NLRP2B: variants seen among roughly 807,000 people sequenced by gnomAD.
NLRP2B encodes NLR family pyrin domain-containing protein 2B.
For missense variants in NLRP2B, 25 were observed against 6.8 expected (o/e 3.70, Z -3.00); for synonymous variants, 16 against 3.5 (o/e 4.63, Z -4.03).
Position 57,677,280 on chromosome X carries a change from G to C in NLRP2B, c.*2843C>G, listed in dbSNP as rs775428231. On this transcript the variant is annotated 3_prime_UTR_variant, in exon 1 of 1. Transcript: ENST00000434992. The stretch of plus-strand genomic sequence containing the variant: ...GCATCTTTACTCCACTAGACCCCAA[G>C]GGATTCTGGCTCAGGTCCAGAACGA... 2 of 387,057 alleles carry C rather than the reference G, an allele frequency of 5.2e-6. No homozygotes were observed. Among genetic ancestry groups the C allele is most frequent in the East Asian group, 7.3e-5 (1 of 13,703 alleles). 31.9% of individuals were successfully genotyped at this position (387,057 alleles called of 1,213,427 possible).
Position 57,679,248 on chromosome X carries a change from C to A in NLRP2B, c.*875G>T, listed in dbSNP as rs780294826. The A allele has an allele frequency of 8.8e-6, 4 of 453,807 alleles. No individual in the cohort carries two copies. The highest frequency in any genetic ancestry group is 2.4e-5 in the African/African-American group (1 of 41,631). 37.4% of individuals were successfully genotyped at this position (453,807 alleles called of 1,213,427 possible). On this transcript the variant is annotated 3_prime_UTR_variant, in exon 1 of 1. Coordinates refer to ENST00000434992, the MANE Select transcript of NLRP2B (RefSeq NM_001319967.1). ...CAACAGCCGGAGGTCTCTCAGGGCC[C>A]GCAGGCCACGTGGTGACCAGCACGG...
In NLRP2B at chrX:57,680,060, C is replaced by T; in HGVS notation, c.*63G>A. ...AGACCTGGATGGTCTCTATCTTCAT[C>T]CAGTAGCTGTGGCAATGGCTGGTGA... is the stretch of plus-strand genomic sequence containing the variant. On this transcript the variant is annotated 3_prime_UTR_variant, in exon 1 of 1. Coordinates refer to ENST00000434992, the MANE Select transcript of NLRP2B (RefSeq NM_001319967.1). The T allele has an allele frequency of 2.4e-6, 1 of 423,265 alleles. No homozygotes were observed. The highest frequency in any genetic ancestry group is 4.2e-6 in the Non-Finnish European group (1 of 237,776). 34.9% of individuals were successfully genotyped at this position (423,265 alleles called of 1,213,427 possible).
In NLRP2B at chrX:57,677,427, G is replaced by A; in HGVS notation, c.*2696C>T. Reference sequence around the variant, plus strand: ...GTGGTTTCTTCAAAGCCTCACATAGGAGCTTCACTCCAGTAACTCCTATGT... The same window carrying A: ...GTGGTTTCTTCAAAGCCTCACATAGAAGCTTCACTCCAGTAACTCCTATGT... On this transcript the variant is annotated 3_prime_UTR_variant, in exon 1 of 1. Coordinates refer to ENST00000434992, the MANE Select transcript of NLRP2B (RefSeq NM_001319967.1). 1 of 344,890 alleles carries A rather than the reference G, an allele frequency of 2.9e-6. No homozygotes were observed. The highest frequency in any genetic ancestry group is 5.6e-6 in the Non-Finnish European group (1 of 178,651). 28.4% of individuals were successfully genotyped at this position (344,890 alleles called of 1,213,427 possible).
rs1437712268 is a variant in NLRP2B at position 57,679,587 on chromosome X, T to C, written c.*536A>G. 5 of 509,677 alleles carry C rather than the reference T, an allele frequency of 9.8e-6. No individual in the cohort carries two copies. Among genetic ancestry groups the C allele is most frequent in the Non-Finnish European group, 1.7e-5 (5 of 289,344 alleles). 42.0% of individuals were successfully genotyped at this position (509,677 alleles called of 1,213,427 possible). ...GGTTGTCCTCTGCCCAGTCCAGCAT[T>C]AATTTCTTGGCCAGCGTGGTTTTCC... On this transcript the variant is annotated 3_prime_UTR_variant, in exon 1 of 1. Transcript: ENST00000434992.
At position 57,677,530 on chromosome X, in the gene NLRP2B, G is replaced by T. The variant is rs932220327; in HGVS notation, c.*2593C>A. 1.0e-4 allele frequency: 32 copies of T among 321,166 alleles called. No homozygotes were observed. Among genetic ancestry groups the T allele is most frequent in the South Asian group, 8.5e-4 (26 of 30,656 alleles). The allele number at this position is 321,166 out of a possible 1,213,427, so 26.5% of individuals were successfully genotyped here. Reference sequence around the variant, plus strand: ...TGCGAGATAACAGCAGCCATTGCTAGTTATGTCGCAGTCCCACAGCACCAG... The same window carrying T: ...TGCGAGATAACAGCAGCCATTGCTATTTATGTCGCAGTCCCACAGCACCAG... On this transcript the variant is annotated 3_prime_UTR_variant, in exon 1 of 1. Transcript: ENST00000434992.
chrX:57,679,456 T>C lies in NLRP2B; in HGVS notation c.*667A>G. 2.0e-6 allele frequency: 2 copies of C among 995,461 alleles called. No homozygotes were observed. Among genetic ancestry groups the C allele is most frequent in the Non-Finnish European group, 2.9e-6 (2 of 701,142 alleles). 82.0% of individuals were successfully genotyped at this position (995,461 alleles called of 1,213,427 possible). ...GGCTAGGATGTTTGGAATGTCATCC[T>C]GCAATTCAGGCCAGTTCCTGAAGAC... On this transcript the variant is annotated 3_prime_UTR_variant, in exon 1 of 1. Transcript: ENST00000434992.
chrX:57,678,737 G>C lies in NLRP2B; in HGVS notation c.*1386C>G. 2.5e-6 allele frequency: 1 copy of C among 405,579 alleles called. No individual in the cohort carries two copies. Among genetic ancestry groups the C allele is most frequent in the Non-Finnish European group, 4.6e-6 (1 of 217,405 alleles). The allele number at this position is 405,579 out of a possible 1,213,427, so 33.4% of individuals were successfully genotyped here. ...TCCTCCTTCTCCAGGGCGTGGAACA[G>C]CACAGTGAAAAACTGCTGGAAGCTG... On this transcript the variant is annotated 3_prime_UTR_variant, in exon 1 of 1. Transcript: ENST00000434992.
At position 57,677,182 on chromosome X, in the gene NLRP2B, T is replaced by C. The variant is rs1281543335; in HGVS notation, c.*2941A>G. On this transcript the variant is annotated 3_prime_UTR_variant, in exon 1 of 1. Transcript: ENST00000434992. ...TATTTCTTCCAGCAGCTTATCGAGT[T>C]CAACATTAAAGTCATCTATTTTCAA... The C allele has an allele frequency of 2.8e-6, 1 of 356,434 alleles. No individual in the cohort carries two copies. Among genetic ancestry groups the C allele is most frequent in the Non-Finnish European group, 5.5e-6 (1 of 182,287 alleles). The allele number at this position is 356,434 out of a possible 1,213,427, so 29.4% of individuals were successfully genotyped here.
In NLRP2B at chrX:57,679,186, G is replaced by T; in HGVS notation, c.*937C>A. ...AAATATGCCCTCCTGTCCTTCTCCA[G>T]GAACTCCTCCACCCTTACATAGATC... On this transcript the variant is annotated 3_prime_UTR_variant, in exon 1 of 1. Coordinates refer to ENST00000434992, the MANE Select transcript of NLRP2B (RefSeq NM_001319967.1). 1 of 469,174 alleles carries T rather than the reference G, an allele frequency of 2.1e-6. No homozygotes were observed. Among genetic ancestry groups the T allele is most frequent in the Non-Finnish European group, 4.0e-6 (1 of 252,380 alleles). 38.7% of individuals were successfully genotyped at this position (469,174 alleles called of 1,213,427 possible).
chrX:57,678,583 G>A lies in NLRP2B; in HGVS notation c.*1540C>T. 2.1e-6 allele frequency: 1 copy of A among 484,754 alleles called. No individual in the cohort carries two copies. The highest frequency in any genetic ancestry group is 2.8e-5 in the South Asian group (1 of 36,094). The allele number at this position is 484,754 out of a possible 1,213,427, so 39.9% of individuals were successfully genotyped here. On this transcript the variant is annotated 3_prime_UTR_variant, in exon 1 of 1. Transcript: ENST00000434992. ...CAACTCCTTGGCTTTCTTCTCGTTG[G>A]CGAAGCCGAATAAGAAGTGTCTTGC...
rs2011737075 is a variant in NLRP2B, at chrX:57,678,784, C to T, written c.*1339G>A. ...GCTGAGGTGGATGTAGGAATAGCAGCCTTTAGAGACTATGTCCTGGCGGAG... is the reference window on the plus strand; with the variant it reads ...GCTGAGGTGGATGTAGGAATAGCAGTCTTTAGAGACTATGTCCTGGCGGAG... On this transcript the variant is annotated 3_prime_UTR_variant, in exon 1 of 1. Transcript: ENST00000434992. 5 of 391,562 alleles carry T rather than the reference C, an allele frequency of 1.3e-5. No individual in the cohort carries two copies. In the South Asian group the frequency reaches 1.6e-4, roughly 12 times the overall value. The allele number at this position is 391,562 out of a possible 1,213,427, so 32.3% of individuals were successfully genotyped here.
Position 57,678,410 on chromosome X carries a change from C to G in NLRP2B, c.*1713G>C, listed in dbSNP as rs762034357. On this transcript the variant is annotated 3_prime_UTR_variant, in exon 1 of 1. Transcript: ENST00000434992. ...TTGAACGGAGCCATCACTCCCTTCA[C>G]CAGCTCCTCCTCCTGAGACTCGTAC... 7.5e-5 allele frequency: 39 copies of G among 520,787 alleles called. No individual in the cohort carries two copies. In the South Asian group the frequency reaches 8.3e-4, roughly 11 times the overall value. The allele number at this position is 520,787 out of a possible 1,213,427, so 42.9% of individuals were successfully genotyped here. A position where few individuals can be genotyped will look rare whatever the true frequency, so the allele number is the denominator to read the frequency against.
chrX:57,677,939 A>G lies in NLRP2B; in HGVS notation c.*2184T>C. 2 of 468,306 alleles carry G rather than the reference A, an allele frequency of 4.3e-6. No individual in the cohort carries two copies. The highest frequency in any genetic ancestry group is 7.9e-6 in the Non-Finnish European group (2 of 253,843). The allele number at this position is 468,306 out of a possible 1,213,427, so 38.6% of individuals were successfully genotyped here. A position where few individuals can be genotyped will look rare whatever the true frequency, so the allele number is the denominator to read the frequency against. ...CATTTTGAGTGTCTCAAGACCTTAC[A>G]CAATGCAGGAAGCATATCATTCTGG... On this transcript the variant is annotated 3_prime_UTR_variant, in exon 1 of 1. Coordinates refer to ENST00000434992, the MANE Select transcript of NLRP2B (RefSeq NM_001319967.1).
rs905539661 is a variant in NLRP2B, at chrX:57,678,127, C to T, written c.*1996G>A. On this transcript the variant is annotated 3_prime_UTR_variant, in exon 1 of 1. Transcript: ENST00000434992. ...ACACAGGATCCTTACTAATGTGGCA[C>T]CAAGAAAGCTATTATTGATTTCTAG... The T allele has an allele frequency of 2.1e-6, 1 of 474,114 alleles. No homozygotes were observed. Among genetic ancestry groups the T allele is most frequent in the Non-Finnish European group, 3.8e-6 (1 of 261,934 alleles). 39.1% of individuals were successfully genotyped at this position (474,114 alleles called of 1,213,427 possible).
rs2011709022 is a variant in NLRP2B, at chrX:57,677,067, G to C, written c.*3056C>G. The C allele has an allele frequency of 8.1e-6, 2 of 248,120 alleles. No homozygotes were observed. The highest frequency in any genetic ancestry group is 5.9e-5 in the African/African-American group (2 of 33,856). 20.4% of individuals were successfully genotyped at this position (248,120 alleles called of 1,213,427 possible). A position where few individuals can be genotyped will look rare whatever the true frequency, so the allele number is the denominator to read the frequency against. On this transcript the variant is annotated 3_prime_UTR_variant, in exon 1 of 1. Coordinates refer to ENST00000434992, the MANE Select transcript of NLRP2B (RefSeq NM_001319967.1). The stretch of plus-strand genomic sequence containing the variant: ...GAATGAATGACTCTGGGGGGATTCA[G>C]ATAATGAAGTAATGAAAAGAAAGCC...
Position 57,678,982 on chromosome X carries a change from C to A in NLRP2B, c.*1141G>T, listed in dbSNP as rs1304643197. On this transcript the variant is annotated 3_prime_UTR_variant, in exon 1 of 1. Transcript: ENST00000434992. Reference sequence around the variant, plus strand: ...CTGCGGGAACCGGCCGCAAAGGAAGCGCAGGAACAGCCCCGTGCGGGTGGG... The same window carrying A: ...CTGCGGGAACCGGCCGCAAAGGAAGAGCAGGAACAGCCCCGTGCGGGTGGG... The A allele has an allele frequency of 1.5e-5, 7 of 453,291 alleles. No homozygotes were observed. In the South Asian group the frequency reaches 2.0e-4, roughly 13 times the overall value. 37.4% of individuals were successfully genotyped at this position (453,291 alleles called of 1,213,427 possible).
chrX:57,678,522 G>T lies in NLRP2B; in HGVS notation c.*1601C>A. ...TCTCTCATCACAGTAATTCCTTTTT[G>T]ATCTCCGGTGACATCAGGCAGCCCA... is the stretch of plus-strand genomic sequence containing the variant. On this transcript the variant is annotated 3_prime_UTR_variant, in exon 1 of 1. Transcript: ENST00000434992. 4.0e-6 allele frequency: 2 copies of T among 505,183 alleles called. No homozygotes were observed. The highest frequency in any genetic ancestry group is 2.6e-5 in the South Asian group (1 of 38,643). The allele number at this position is 505,183 out of a possible 1,213,427, so 41.6% of individuals were successfully genotyped here.
chrX:57,679,805 G>A lies in NLRP2B; in HGVS notation c.*318C>T, dbSNP rs1289656278. ...CTCCTGTACCTATCCTCTTTACCTG[G>A]CTTTTCTCCTTTCAAGACTTCTTTA... On this transcript the variant is annotated 3_prime_UTR_variant, in exon 1 of 1. Coordinates refer to ENST00000434992, the MANE Select transcript of NLRP2B (RefSeq NM_001319967.1). The A allele has an allele frequency of 1.4e-5, 4 of 292,288 alleles. No homozygotes were observed. Among genetic ancestry groups the A allele is most frequent in the Middle Eastern group, 9.1e-4 (1 of 1,104 alleles). The allele number at this position is 292,288 out of a possible 1,213,427, so 24.1% of individuals were successfully genotyped here. A position where few individuals can be genotyped will look rare whatever the true frequency, so the allele number is the denominator to read the frequency against.
Position 57,678,842 on chromosome X carries a change from A to T in NLRP2B, c.*1281T>A. The T allele has an allele frequency of 2.8e-6, 1 of 361,614 alleles. No individual in the cohort carries two copies. The highest frequency in any genetic ancestry group is 3.4e-5 in the South Asian group (1 of 29,001). 29.8% of individuals were successfully genotyped at this position (361,614 alleles called of 1,213,427 possible). On this transcript the variant is annotated 3_prime_UTR_variant, in exon 1 of 1. Coordinates refer to ENST00000434992, the MANE Select transcript of NLRP2B (RefSeq NM_001319967.1). ...CTGTCCAGGGACGGGCGGATGTTGA[A>T]CTCCTGCACCCCGAGCCTCGCCAAG...
Sources: gnomAD v4.1 joint callset for allele counts on GRCh38, gnomAD v4.1.1 for gene constraint, MANE v1.5 for transcripts, NCBI Gene and HGNC (gene_info 2026-07-23, HGNC 2026-07-21) for gene names.